PDE8A: variants seen among roughly 807,000 people sequenced by gnomAD.
PDE8A encodes high affinity cAMP-specific and IBMX-insensitive 3',5'-cyclic phosphodiesterase 8A.
A neutral mutation model predicts 105.0 loss-of-function variants in PDE8A; 59 were observed. That is an observed-to-expected ratio of 0.56 (90% CI 0.46 to 0.70). The LOEUF is 0.70. Among genes scored for constraint, PDE8A ranks in the 30% least tolerant of loss-of-function variants. The probability of loss-of-function intolerance (pLI) is 0.00; values close to 1 mark genes in which losing one functional copy is unlikely to be tolerated. For missense variants in PDE8A, 1,014 were observed against 1,045.9 expected (o/e 0.97, Z 0.42); for synonymous variants, 355 against 371.9 (o/e 0.95, Z 0.52).
chr15:85,020,940 T>C (rs2080415879), intron 1 of PDE8A, among the ~76,000 whole-genome samples: 1 of 152,190 alleles, frequency 6.6e-6, no homozygotes, highest in South Asian at 2.1e-4. Context: ...ACCTTATTCA[T>C]GTTGTCCCAC....
At chr15:85,020,980 A>G (rs780619492) in intron 1 of PDE8A, among the ~76,000 whole-genome samples, 4 of 152,136 alleles carry the variant, frequency 2.6e-5, no homozygotes, top group African/African-American at 7.2e-5. Flanking sequence ...TATGGTCTCA[A>G]TGTTCGTATT....
intron 15 of PDE8A, 172 bp from the exon 16 acceptor site, chr15:85,115,812 C>A: frequency 1.6e-6 from 1 of 609,428 alleles, no homozygotes; most frequent in Non-Finnish European, 2.9e-6. Context: ...TCCCACTACT[C>A]AGGAGGCTGA....
intron 1 of PDE8A, among the ~76,000 whole-genome samples, chr15:85,059,585 C>T (rs1328257865): frequency 6.6e-6 from 1 of 152,162 alleles, no homozygotes; most frequent in Non-Finnish European, 1.5e-5. Flanking sequence ...CCTCCTTTGT[C>T]TCTTATAGCC....
intron 1 of PDE8A, among the ~76,000 whole-genome samples, chr15:85,048,979 G>A (rs769128371): frequency 6.6e-6 from 1 of 152,158 alleles, no homozygotes; most frequent in Non-Finnish European, 1.5e-5. Context: ...GCTCATGCCT[G>A]TAGTCCTGGC....
intron 5 of PDE8A, among the ~76,000 whole-genome samples, chr15:85,077,507 G>A (rs916579614): frequency 1.3e-5 from 2 of 152,172 alleles, no homozygotes; most frequent in Non-Finnish European, 2.9e-5. Context: ...CTAAGTGCCT[G>A]GCAGAAGCAA....
intron 8 of PDE8A, among the ~76,000 whole-genome samples, chr15:85,096,276 C>T (rs541394617): frequency 6.6e-6 from 1 of 152,050 alleles, no homozygotes; most frequent in South Asian, 2.1e-4. Flanking sequence ...AATTTCTATG[C>T]CATACAAGTC....
At chr15:85,024,662 T>C (rs1167643325) in intron 1 of PDE8A, among the ~76,000 whole-genome samples, 1 of 152,230 alleles carries the variant, frequency 6.6e-6, no homozygotes, top group East Asian at 1.9e-4. Flanking sequence ...AACTTCTTTG[T>C]TCTTAGTCTT....
intron 11 of PDE8A, among the ~76,000 whole-genome samples, chr15:85,102,710 A>G (rs1281547667): frequency 1.3e-5 from 2 of 151,790 alleles, no homozygotes; most frequent in Admixed American, 1.3e-4. Flanking sequence ...GTCGTGGCGC[A>G]TGCCTGTCAT....
At chr15:85,016,930 A>G (rs1390002886) in intron 1 of PDE8A, among the ~76,000 whole-genome samples, 2 of 145,532 alleles carry the variant, frequency 1.4e-5, no homozygotes, top group African/African-American at 2.5e-5. Flanking sequence ...CTCTTCCATT[A>G]TGTTTCTAAC....
In PDE8A at chr15:84,990,373, T is replaced by C. The variant is rs537872437; in HGVS notation, c.186+8025T>C. ...ATTATAATCACCCCCAAAAGTTCTA[T>C]TGTGCTCCCTTTCCATTCTTACCCC... On this transcript the variant is annotated intron_variant, in intron 1 of 21. Transcript: ENST00000394553. Among the ~76,000 whole-genome samples, 23 of 152,312 alleles carry C rather than the reference T, an allele frequency of 1.5e-4. 1 individual carries two copies. In the South Asian group the frequency reaches 2.1e-3, roughly 14 times the overall value.
At chr15:85,054,814 G>T (rs1322141693) in intron 1 of PDE8A, among the ~76,000 whole-genome samples, 1 of 152,152 alleles carries the variant, frequency 6.6e-6, no homozygotes, top group African/African-American at 2.4e-5. Context: ...ATCTCCTTCA[G>T]TTCTGCTCTG....
chr15:85,040,409 A>G (rs998355117), intron 1 of PDE8A, among the ~76,000 whole-genome samples: 1 of 150,080 alleles, frequency 6.7e-6, no homozygotes, highest in Admixed American at 6.6e-5. Flanking sequence ...AAGAAAAAAC[A>G]TTTTTGCCTT....
chr15:85,066,950 A>AG, intron 2 of PDE8A, 64 bp from the exon 3 acceptor site: 2 of 1,258,970 alleles, frequency 1.6e-6, no homozygotes, highest in Non-Finnish European at 2.2e-6. Flanking sequence ...AGAAAAAAAA[A>AG]GTGTAAGAAA....
intron 1 of PDE8A, among the ~76,000 whole-genome samples, chr15:85,014,146 C>T (rs1264438212): frequency 1.5e-5 from 2 of 135,692 alleles, no homozygotes; most frequent in Non-Finnish European, 3.4e-5. Flanking sequence ...TTTTCTTTTT[C>T]TTTTTTTTTA....
At position 85,115,631 on chromosome 15, in the gene PDE8A, G is replaced by C. The variant is rs993176757; in HGVS notation, c.1399+144G>C. The C allele has an allele frequency of 6.1e-5, 35 of 569,528 alleles. No homozygotes were observed. The African/African-American group carries it at 6.4e-4, about 10-fold the overall frequency. The allele number at this position is 569,528 out of a possible 1,614,324, so 35.3% of individuals were successfully genotyped here. A position where few individuals can be genotyped will look rare whatever the true frequency, so the allele number is the denominator to read the frequency against. On this transcript the variant is annotated intron_variant, in intron 15 of 21. Transcript: ENST00000394553. ...AAACAAAGCAGCTGTCCCTGAGGCGGTACTGTCCTCCCTAAGAAACAGTTA... is the reference window on the plus strand; with the variant it reads ...AAACAAAGCAGCTGTCCCTGAGGCGCTACTGTCCTCCCTAAGAAACAGTTA...
intron 5 of PDE8A, among the ~76,000 whole-genome samples, chr15:85,082,771 G>A (rs1490150200): frequency 6.6e-6 from 1 of 152,158 alleles, no homozygotes; most frequent in African/African-American, 2.4e-5. Flanking sequence ...GGGGAGTAAT[G>A]TTCACAAATA....
At chr15:85,009,161 G>A (rs1297347291) in intron 1 of PDE8A, among the ~76,000 whole-genome samples, 1 of 151,442 alleles carries the variant, frequency 6.6e-6, no homozygotes, top group Non-Finnish European at 1.5e-5. Flanking sequence ...TAGGGTCTGA[G>A]GATATTCAAA....
intron 6 of PDE8A, among the ~76,000 whole-genome samples, chr15:85,087,688 T>A (rs1388368834): frequency 6.6e-6 from 1 of 152,210 alleles, no homozygotes; most frequent in Non-Finnish European, 1.5e-5. Flanking sequence ...AATCATAATA[T>A]AATCTTAGAA....
intron 17 of PDE8A, chr15:85,120,150 A>AC (rs1321652383): frequency 6.6e-6 from 1 of 151,458 alleles, no homozygotes; most frequent in Non-Finnish European, 1.5e-5. Flanking sequence ...CAAAAAAAAA[A>AC]AACAAAAGAG....
Sources: allele counts gnomAD v4.1 joint callset (sites outside exome capture counted in the v4.1 genomes callset), GRCh38; gene constraint gnomAD v4.1.1; transcripts MANE v1.5; gene names NCBI Gene and HGNC (gene_info 2026-07-23, HGNC 2026-07-21).